MRTFA: variants seen among roughly 807,000 people sequenced by gnomAD.
The protein encoded by MRTFA is myocardin-related transcription factor A.
In MRTFA, 20 loss-of-function variants were observed where a neutral mutation model predicts 83.5. The observed-to-expected ratio is 0.24, with a 90% CI of 0.17 to 0.35. The LOEUF is 0.35. Ranked by LOEUF, MRTFA falls within the 10% of genes least tolerant of loss-of-function variation. MRTFA has a pLI of 1.00. For synonymous variants in MRTFA, 659 were observed against 541.2 expected, an observed-to-expected ratio of 1.22 and a Z score of -3.02; for missense variants, 1,200 against 1,224.7, an observed-to-expected ratio of 0.98 and a Z score of 0.30.
chr22:40,423,791 C>G (rs1325321512), intron 8 of MRTFA, 106 bp from the exon 9 acceptor site: 1 of 1,086,584 alleles, frequency 9.2e-7, no homozygotes, highest in African/African-American at 1.6e-5. Context: ...TGTCAGAGGG[C>G]AAATGGTGGG....
At chr22:40,533,570 T>C (rs2055118711) in intron 3 of MRTFA, 4 of 1,219,894 alleles carry the variant, frequency 3.3e-6, no homozygotes, top group Non-Finnish European at 4.1e-6. Flanking sequence ...AGTTAGGAAA[T>C]TAGGATTTAT....
chr22:40,475,563 T>C (rs1569286321), intron 3 of MRTFA, among the ~76,000 whole-genome samples: 1 of 152,010 alleles, frequency 6.6e-6, no homozygotes, highest in Non-Finnish European at 1.5e-5. Flanking sequence ...AATTACAATG[T>C]TTTAAGAAAG....
intron 3 of MRTFA, among the ~76,000 whole-genome samples, chr22:40,497,588 A>G (rs2054377568): frequency 6.6e-6 from 1 of 151,818 alleles, no homozygotes; most frequent in Non-Finnish European, 1.5e-5. Context: ...CCCCATCTCT[A>G]CTAAAAATAC....
chr22:40,455,315 C>G (rs981989488), intron 4 of MRTFA, among the ~76,000 whole-genome samples: 1 of 152,128 alleles, frequency 6.6e-6, no homozygotes, highest in East Asian at 1.9e-4. Context: ...CAGGGCTGGT[C>G]TAGCACCTAG....
chr22:40,533,864 T>C (rs2147280135), intron 3 of MRTFA: 1 of 364,242 alleles, frequency 2.7e-6, no homozygotes, highest in South Asian at 1.5e-4. Flanking sequence ...AGCTCTCCAG[T>C]TAAGACATAC....
Position 40,509,051 on chromosome 22 carries a change from A to G in MRTFA, c.241+43055T>C, listed in dbSNP as rs550326084. Among the ~76,000 whole-genome samples the G allele has an allele frequency of 3.3e-5, 5 of 152,294 alleles. No homozygotes were observed. In the South Asian group the frequency reaches 8.3e-4, roughly 25 times the overall value. On this transcript the variant is annotated intron_variant, in intron 3 of 14. Coordinates refer to ENST00000355630, the MANE Select transcript of MRTFA (RefSeq NM_020831.6). The stretch of plus-strand genomic sequence containing the variant: ...CTTGTATTTGTATTTAGTACTGAGT[A>G]ATTATTTCCAATTTTCGAGGAAGTC...
At position 40,417,509 on chromosome 22, in the gene MRTFA, G is replaced by A. The variant is rs748158428; in HGVS notation, c.2365-16C>T. 142 of 1,474,790 alleles carry A rather than the reference G, an allele frequency of 9.6e-5. No homozygotes were observed. Among genetic ancestry groups the A allele is most frequent in the Non-Finnish European group, 1.2e-4 (136 of 1,098,666 alleles). 91.4% of individuals were successfully genotyped at this position (1,474,790 alleles called of 1,614,324 possible). ...GGGACGAGGGCTGGACAGGAGAGCA[G>A]GGAGAGGACCAGTGGCCAGGGGGCT... On this transcript the variant is annotated splice_polypyrimidine_tract_variant and intron_variant, in intron 12 of 14. Transcript: ENST00000355630.
At position 40,470,822 on chromosome 22, in the gene MRTFA, G is replaced by A. The variant is rs9611357; in HGVS notation, c.242-7536C>T. Among the ~76,000 whole-genome samples, 940 of 151,948 alleles carry A rather than the reference G, an allele frequency of 6.2e-3. 6 individuals are homozygous for A. The highest frequency in any genetic ancestry group is 0.011 in the Non-Finnish European group (737 of 67,950). On this transcript the variant is annotated intron_variant, in intron 3 of 14. Coordinates refer to ENST00000355630, the MANE Select transcript of MRTFA (RefSeq NM_020831.6). ...AAATTAGCCAGGTGTGGCAACAGGC[G>A]CCTGTAGTCCCAGCTACTCGGGAGG... is the stretch of plus-strand genomic sequence containing the variant.
intron 3 of MRTFA, among the ~76,000 whole-genome samples, chr22:40,468,122 T>G (rs1196819171): frequency 6.6e-6 from 1 of 151,866 alleles, no homozygotes; most frequent in African/African-American, 2.4e-5. Context: ...AGCCAAGGAG[T>G]GACCTTAATA....
intron 3 of MRTFA, chr22:40,533,687 G>A: frequency 9.0e-7 from 1 of 1,115,434 alleles, no homozygotes; most frequent in Admixed American, 4.2e-5. Context: ...GAAAGTCAAA[G>A]TCACAGGAGA....
chr22:40,482,100 G>C (rs1374688287), intron 3 of MRTFA, among the ~76,000 whole-genome samples: 1 of 151,708 alleles, frequency 6.6e-6, no homozygotes, highest in African/African-American at 2.4e-5. Flanking sequence ...AATGTGTTTA[G>C]CTCTTACATT....
intron 3 of MRTFA, among the ~76,000 whole-genome samples, chr22:40,496,601 C>T (rs1478796306): frequency 7.0e-6 from 1 of 143,096 alleles, no homozygotes; most frequent in Middle Eastern, 4.2e-3. Flanking sequence ...TAAAACAGTG[C>T]CCATTCTATA....
chr22:40,579,342 A>T (rs2055913124), intron 2 of MRTFA, among the ~76,000 whole-genome samples: 1 of 152,230 alleles, frequency 6.6e-6, no homozygotes, highest in South Asian at 2.1e-4. Flanking sequence ...TGTCAAAAGC[A>T]TACTTCCATC....
chr22:40,416,491 G>A lies in MRTFA; in HGVS notation c.2578+495C>T, dbSNP rs905937754. ...TGCCCAGGAGGCCACGCATGATCTG[G>A]CCATGAAGGCCTTCTTCCCCTTTCC... On this transcript the variant is annotated intron_variant, in intron 14 of 14. Transcript: ENST00000355630. This position sits in a 1 kb window ranked among gnomAD's most constrained non-coding sequence, Gnocchi z 4.2. 6.6e-6 allele frequency among the ~76,000 whole-genome samples: 1 copy of A among 152,196 alleles called. No homozygotes were observed. Among genetic ancestry groups the A allele is most frequent in the African/African-American group, 2.4e-5 (1 of 41,452 alleles).
rs55934032 is a variant in MRTFA at position 40,572,487 on chromosome 22, T to TA, written c.-21-20121dup. Among the ~76,000 whole-genome samples, 882 of 144,126 alleles carry TA rather than the reference T, an allele frequency of 6.1e-3. 1 individual carries two copies. Among genetic ancestry groups the TA allele is most frequent in the African/African-American group, 9.3e-3 (365 of 39,166 alleles). 94.6% of individuals were successfully genotyped at this position (144,126 alleles called of 152,430 possible). A position where few individuals can be genotyped will look rare whatever the true frequency, so the allele number is the denominator to read the frequency against. ...GGCAACACAATGAAACCCTATCTCT[T>TA]AAAAAAAAAAAAAATCCATACACCT... On this transcript the variant is annotated intron_variant, in intron 2 of 14. Coordinates refer to ENST00000355630, the MANE Select transcript of MRTFA (RefSeq NM_020831.6).
At chr22:40,558,962 A>G (rs1263396671) in intron 2 of MRTFA, among the ~76,000 whole-genome samples, 1 of 151,884 alleles carries the variant, frequency 6.6e-6, no homozygotes, top group African/African-American at 2.4e-5. Flanking sequence ...TTGTGTTTTT[A>G]GTAGAGATGG....
At chr22:40,582,146 T>C (rs1175116578) in intron 2 of MRTFA, among the ~76,000 whole-genome samples, 1 of 152,242 alleles carries the variant, frequency 6.6e-6, no homozygotes, top group Non-Finnish European at 1.5e-5. Flanking sequence ...TCTGGACATT[T>C]CACATAAATG....
intron 1 of MRTFA, 144 bp from the exon 2 acceptor site, chr22:40,594,879 T>C (rs1290279877): frequency 7.1e-6 from 1 of 141,472 alleles, no homozygotes; most frequent in African/African-American, 2.6e-5. Flanking sequence ...AAGAGTTCTG[T>C]CACTGGTTAA....
chr22:40,447,671 G>A (rs2053407405), intron 4 of MRTFA, among the ~76,000 whole-genome samples: 1 of 152,226 alleles, frequency 6.6e-6, no homozygotes, highest in African/African-American at 2.4e-5. Flanking sequence ...AAACAGGTTT[G>A]CTGAAAATGG....
Sources: allele counts gnomAD v4.1 joint callset (sites outside exome capture counted in the v4.1 genomes callset), GRCh38; gene constraint gnomAD v4.1.1; non-coding constraint Gnocchi (gnomAD v3.1); transcripts MANE v1.5; gene names NCBI Gene and HGNC (gene_info 2026-07-23, HGNC 2026-07-21).